Variants in SPICE1 observed in about 807,000 individuals in gnomAD.
SPICE1 encodes spindle and centriole associated protein 1.
In SPICE1, 75 loss-of-function variants were observed where a neutral mutation model predicts 102.7. The observed-to-expected ratio is 0.73, with a 90% confidence interval of 0.61 to 0.88. The LOEUF is 0.88. Among genes scored for constraint, SPICE1 ranks in the 40% least tolerant of loss-of-function variants. The pLI is 0.00. For missense variants in SPICE1, 979 were observed against 1,020.1 expected (o/e 0.96, Z 0.55); for synonymous variants, 308 against 350.3 (o/e 0.88, Z 1.35).
chr3:113,458,826 C>A (rs1190454071), intron 12 of SPICE1, among the ~76,000 whole-genome samples: 21 of 151,514 alleles, frequency 1.4e-4, no homozygotes, highest in Non-Finnish European at 2.4e-4. Flanking sequence ...GCCCCGCTGC[C>A]CCGTCTGAGA....
At chr3:113,448,249 C>T in intron 15 of SPICE1, 109 bp from the exon 16 acceptor site, 1 of 971,130 alleles carries the variant, frequency 1.0e-6, no homozygotes, top group Non-Finnish European at 1.5e-6. Context: ...TGGTTCTTTC[C>T]ATCTGTTTTA....
chr3:113,467,509 G>A (rs1179566386), intron 10 of SPICE1, among the ~76,000 whole-genome samples: 1 of 152,166 alleles, frequency 6.6e-6, no homozygotes, highest in Non-Finnish European at 1.5e-5. Context: ...GGCCAGGCTG[G>A]TCTTAAACTC....
Position 113,450,289 on chromosome 3 carries a change from GA to G in SPICE1, c.2323+46del, listed in dbSNP as rs766578597. 13 of 1,609,072 alleles carry G rather than the reference GA, an allele frequency of 8.1e-6. No homozygotes were observed. The Admixed American group carries it at 2.2e-4, about 27-fold the overall frequency. Reference sequence around the variant, plus strand: ...ATAAACTTGCAAAATCAAGAAAACTGAAAACCTTCATATTTCTAGTTTTTAA... The same window carrying G: ...ATAAACTTGCAAAATCAAGAAAACTGAAACCTTCATATTTCTAGTTTTTAA... On this transcript the variant is annotated intron_variant, in intron 15 of 17. Coordinates refer to ENST00000295872, the MANE Select transcript of SPICE1 (RefSeq NM_144718.4).
chr3:113,464,794 A>C (rs1327876977), intron 11 of SPICE1, among the ~76,000 whole-genome samples: 6 of 152,202 alleles, frequency 3.9e-5, no homozygotes, highest in African/African-American at 7.2e-5. Flanking sequence ...AATAATACCA[A>C]TATCCAGACA....
chr3:113,449,518 G>A (rs1176558098), intron 15 of SPICE1: 2 of 152,178 alleles, frequency 1.3e-5, no homozygotes, highest in Non-Finnish European at 2.9e-5. Context: ...ATTTCCAAAA[G>A]AGTCTGCTTT....
chr3:113,507,028 C>T (rs1435138438), intron 1 of SPICE1, among the ~76,000 whole-genome samples: 3 of 152,134 alleles, frequency 2.0e-5, no homozygotes, highest in African/African-American at 7.2e-5. Flanking sequence ...TTTTTAAGCA[C>T]TCTAACACTC....
intron 7 of SPICE1, among the ~76,000 whole-genome samples, chr3:113,485,226 CAG>C (rs1206762324): frequency 6.7e-6 from 1 of 150,048 alleles, no homozygotes; most frequent in East Asian, 2.0e-4. Context: ...GCCAGAGAGA[CAG>C]AACTGTTCAC....
intron 9 of SPICE1, among the ~76,000 whole-genome samples, 178 bp from the exon 10 acceptor site, chr3:113,468,582 C>T (rs1445114374): frequency 6.6e-6 from 1 of 152,158 alleles, no homozygotes; most frequent in East Asian, 1.9e-4. Flanking sequence ...ATAATGAATG[C>T]ACTAGAACCA....
intron 1 of SPICE1, among the ~76,000 whole-genome samples, chr3:113,507,680 C>T (rs529635599): frequency 6.6e-6 from 1 of 152,182 alleles, no homozygotes; most frequent in African/African-American, 2.4e-5. Flanking sequence ...TAGAAAATAA[C>T]ATTTAAGTTT....
intron 10 of SPICE1, among the ~76,000 whole-genome samples, chr3:113,467,493 C>T (rs1159892670): frequency 6.6e-6 from 1 of 152,234 alleles, no homozygotes; most frequent in Non-Finnish European, 1.5e-5. Flanking sequence ...GGTTTTACCA[C>T]GTTGAGGCCA....
intron 12 of SPICE1, 98 bp downstream of exon 12, chr3:113,460,519 C>T (rs892060583): frequency 6.7e-7 from 1 of 1,490,810 alleles, no homozygotes; most frequent in Non-Finnish European, 8.9e-7. Context: ...CATAAACAGT[C>T]AATAAGTCTA....
chr3:113,472,097 C>A (rs1274174449), intron 7 of SPICE1, among the ~76,000 whole-genome samples: 1 of 152,224 alleles, frequency 6.6e-6, no homozygotes, highest in East Asian at 1.9e-4. Flanking sequence ...TAATACTGCA[C>A]TTTTCCGACG....
chr3:113,474,064 T>C (rs926526253), intron 7 of SPICE1, among the ~76,000 whole-genome samples: 3 of 151,772 alleles, frequency 2.0e-5, no homozygotes, highest in Non-Finnish European at 2.9e-5. Context: ...GAGACACACA[T>C]AGGCTCAAAA....
At chr3:113,451,330 CA>C (rs200990390) in intron 14 of SPICE1, among the ~76,000 whole-genome samples, 62 of 152,036 alleles carry the variant, frequency 4.1e-4, no homozygotes, top group Non-Finnish European at 7.4e-4. Context: ...ATTCCCCCCC[CA>C]AATGTGCTTA....
At chr3:113,449,760 T>C (rs957485189) in intron 15 of SPICE1, 11 of 154,008 alleles carry the variant, frequency 7.1e-5, no homozygotes, top group Admixed American at 7.0e-4. Flanking sequence ...GTACTCTTCA[T>C]GTAGCTGTCC....
Position 113,468,637 on chromosome 3 carries a change from T to C in SPICE1, c.889+125A>G, listed in dbSNP as rs1279926001. 3.3e-6 allele frequency: 4 copies of C among 1,201,020 alleles called. No homozygotes were observed. The African/African-American group carries it at 4.6e-5, about 14-fold the overall frequency. The allele number at this position is 1,201,020 out of a possible 1,614,324, so 74.4% of individuals were successfully genotyped here. A position where few individuals can be genotyped will look rare whatever the true frequency, so the allele number is the denominator to read the frequency against. ...GGTAGGAGACATTTCTTAGCTACCA[T>C]TCAATAAACTTTCAGTTGGAACCAT... On this transcript the variant is annotated intron_variant, in intron 9 of 17. Transcript: ENST00000295872.
rs1008519165 is a variant in SPICE1 at position 113,443,518 on chromosome 3, A to G, written c.*1789T>C. 1 of 152,206 alleles carries G rather than the reference A, an allele frequency of 6.6e-6. No homozygotes were observed. The highest frequency in any genetic ancestry group is 1.5e-5 in the Non-Finnish European group (1 of 68,048). 9.4% of individuals were successfully genotyped at this position (152,206 alleles called of 1,614,324 possible). ...GGAAGCATTTACATACCTCTAACTG[A>G]TAGGTCTACTATGAGATTCAAATGA... On this transcript the variant is annotated 3_prime_UTR_variant, in exon 18 of 18. Coordinates refer to ENST00000295872, the MANE Select transcript of SPICE1 (RefSeq NM_144718.4).
At chr3:113,465,451 A>G (rs16861025) in intron 11 of SPICE1, among the ~76,000 whole-genome samples, 6,530 of 152,310 alleles carry the variant, frequency 0.043, 168 homozygotes, top group East Asian at 0.1. Flanking sequence ...ACAGGAAGAC[A>G]GTCCATATAC....
At chr3:113,497,729 T>G (rs868727596) in intron 4 of SPICE1, among the ~76,000 whole-genome samples, 248 of 114,100 alleles carry the variant, frequency 2.2e-3, no homozygotes, top group Middle Eastern at 4.7e-3. Flanking sequence ...TTTTTTTTTT[T>G]GAGACAGAGT....
Sources: gnomAD v4.1 joint callset for allele counts (sites outside exome capture counted in the v4.1 genomes callset) on GRCh38, gnomAD v4.1.1 for gene constraint, MANE v1.5 for transcripts, NCBI Gene and HGNC (gene_info 2026-07-23, HGNC 2026-07-21) for gene names.